PTPN1: variants seen among roughly 807,000 people sequenced by gnomAD.
The protein encoded by PTPN1 is protein tyrosine phosphatase non-receptor type 1, also known as tyrosine-protein phosphatase non-receptor type 1.
PTPN1 carries 12 observed loss-of-function variants against 59.9 expected under a neutral mutation model. The ratio of observed to expected loss-of-function variants is 0.20; its 90% CI spans 0.13 to 0.32. PTPN1 has a LOEUF of 0.32. Ranked by LOEUF, PTPN1 falls within the 10% of genes least tolerant of loss-of-function variation. The probability of loss-of-function intolerance (pLI) is 1.00; values close to 1 mark genes in which losing one functional copy is unlikely to be tolerated. For synonymous variants in PTPN1, 178 were observed against 203.6 expected, an observed-to-expected ratio of 0.87 and a Z score of 1.07; for missense variants, 356 against 549.2, an observed-to-expected ratio of 0.65 and a Z score of 3.52.
rs2082582974 is a variant in PTPN1, at chr20:50,527,616, C to T, written c.63+17026C>T. ...CCTCAAGTGATCCACCCGTCAGCCTCCCAAAGTGCTGAGATTACAGGTGTG... is the reference window on the plus strand; with the variant it reads ...CCTCAAGTGATCCACCCGTCAGCCTTCCAAAGTGCTGAGATTACAGGTGTG... On this transcript the variant is annotated intron_variant, in intron 1 of 9. Transcript: ENST00000371621. Among the ~76,000 whole-genome samples, 4 of 152,282 alleles carry T rather than the reference C, an allele frequency of 2.6e-5. No homozygotes were observed. The South Asian group carries it at 8.3e-4, about 32-fold the overall frequency.
At chr20:50,539,388 G>T (rs987876877) in intron 1 of PTPN1, among the ~76,000 whole-genome samples, 1 of 152,120 alleles carries the variant, frequency 6.6e-6, no homozygotes, top group Non-Finnish European at 1.5e-5. Flanking sequence ...CTCAGGAAGG[G>T]CTTGTGGGAA....
At chr20:50,572,159 A>G (rs1166244660) in intron 4 of PTPN1, 3 of 152,260 alleles carry the variant, frequency 2.0e-5, no homozygotes, top group African/African-American at 7.2e-5. Flanking sequence ...GGAAACAGCA[A>G]CTATGAGAGA....
chr20:50,515,542 T>G (rs937110212), intron 1 of PTPN1, among the ~76,000 whole-genome samples: 1 of 152,230 alleles, frequency 6.6e-6, no homozygotes. Context: ...TCCTCCTGCC[T>G]TGGCCTCCCA....
chr20:50,525,752 A>T (rs1376781420), intron 1 of PTPN1, among the ~76,000 whole-genome samples: 1 of 151,650 alleles, frequency 6.6e-6, no homozygotes, highest in Non-Finnish European at 1.5e-5. Context: ...TTGAATGATG[A>T]GTTTTTTTTT....
chr20:50,529,161 A>G (rs755543286), intron 1 of PTPN1, among the ~76,000 whole-genome samples: 1 of 152,152 alleles, frequency 6.6e-6, no homozygotes, highest in African/African-American at 2.4e-5. Context: ...TGCACAGACC[A>G]TGCCACTCTG....
chr20:50,583,024 C>T lies in PTPN1; in HGVS notation c.*309C>T. Reference sequence around the variant, plus strand: ...TACACCCGTCTTGGGGCTCGCCCCACCCAGGGCTCCCTCCTGGAGCATCCC... The same window carrying T: ...TACACCCGTCTTGGGGCTCGCCCCATCCAGGGCTCCCTCCTGGAGCATCCC... On this transcript the variant is annotated 3_prime_UTR_variant, in exon 10 of 10. Coordinates refer to ENST00000371621, the MANE Select transcript of PTPN1 (RefSeq NM_002827.4). 1 of 427,412 alleles carries T rather than the reference C, an allele frequency of 2.3e-6. No homozygotes were observed. The highest frequency in any genetic ancestry group is 3.6e-5 in the Admixed American group (1 of 27,836). The allele number at this position is 427,412 out of a possible 1,614,324, so 26.5% of individuals were successfully genotyped here.
chr20:50,579,952 T>G (rs1342287156), intron 8 of PTPN1, 26 bp downstream of exon 8: 1 of 1,596,196 alleles, frequency 6.3e-7, no homozygotes, highest in African/African-American at 1.3e-5. Context: ...CCCAGCTTGT[T>G]GGGGTGAGGG....
chr20:50,563,073 C>T (rs1034626444), intron 2 of PTPN1: 1 of 150,162 alleles, frequency 6.7e-6, no homozygotes, highest in Non-Finnish European at 1.5e-5. Flanking sequence ...TTTCTTTGTT[C>T]CTTCTCCATC....
At chr20:50,544,626 G>A (rs900208018) in intron 1 of PTPN1, among the ~76,000 whole-genome samples, 5 of 152,198 alleles carry the variant, frequency 3.3e-5, no homozygotes, top group African/African-American at 9.7e-5. Context: ...TCTGGGAAGG[G>A]ACATGAAGGA....
At chr20:50,510,807 A>C (rs892991102) in intron 1 of PTPN1, among the ~76,000 whole-genome samples, 4 of 124,784 alleles carry the variant, frequency 3.2e-5, no homozygotes, top group African/African-American at 6.5e-5. Flanking sequence ...TCGATCCCCC[A>C]CCTCCCTTCT....
chr20:50,534,260 C>A lies in PTPN1; in HGVS notation c.63+23670C>A, dbSNP rs555719010. Among the ~76,000 whole-genome samples the A allele has an allele frequency of 1.1e-4, 17 of 152,328 alleles. No individual in the cohort carries two copies. The East Asian group carries it at 1.2e-3, about 10-fold the overall frequency. ...ATTAAATAGCACTTTCTGCTTTTAG[C>A]AAATTTAATCCAAATGAGACTTTAG... On this transcript the variant is annotated intron_variant, in intron 1 of 9. Transcript: ENST00000371621.
chr20:50,578,705 T>A, intron 6 of PTPN1, 76 bp downstream of exon 6: 1 of 1,272,190 alleles, frequency 7.9e-7, no homozygotes, highest in Non-Finnish European at 1.1e-6. Context: ...AAGTAGAAAC[T>A]GAAGCGCTCC....
chr20:50,510,616 G>A, intron 1 of PTPN1, 26 bp downstream of exon 1: 1 of 1,549,396 alleles, frequency 6.5e-7, no homozygotes, highest in Non-Finnish European at 8.7e-7. Flanking sequence ...GGAGCGTGGC[G>A]GGCCCTTCGC....
At chr20:50,559,551 A>G (rs2082742102) in intron 1 of PTPN1, among the ~76,000 whole-genome samples, 1 of 152,140 alleles carries the variant, frequency 6.6e-6, no homozygotes, top group African/African-American at 2.4e-5. Context: ...ATCATTATGA[A>G]GAGTACTGGA....
chr20:50,580,581 T>C (rs2082862611), intron 8 of PTPN1, among the ~76,000 whole-genome samples: 1 of 152,170 alleles, frequency 6.6e-6, no homozygotes, highest in Non-Finnish European at 1.5e-5. Context: ...ACGGAAAGTT[T>C]GCAGAATGAG....
chr20:50,515,683 CTCT>C (rs1485149099), intron 1 of PTPN1, among the ~76,000 whole-genome samples: 5 of 152,168 alleles, frequency 3.3e-5, no homozygotes, highest in African/African-American at 9.7e-5. Context: ...TCTTGAAGTC[CTCT>C]GCTCCTGGCA....
Position 50,578,409 on chromosome 20 carries a change from T to C in PTPN1, c.493-11T>C, listed in dbSNP as rs1269968024. 1 of 1,606,554 alleles carries C rather than the reference T, an allele frequency of 6.2e-7. No homozygotes were observed. The highest frequency in any genetic ancestry group is 8.5e-7 in the Non-Finnish European group (1 of 1,173,302). On this transcript the variant is annotated splice_polypyrimidine_tract_variant and intron_variant, in intron 5 of 9. Coordinates refer to ENST00000371621, the MANE Select transcript of PTPN1 (RefSeq NM_002827.4). ...TCTTTTAGAATCATCATGAGTATTTTTCTCTTTCAGACCCAAGAAACTCGA... is the reference window on the plus strand; with the variant it reads ...TCTTTTAGAATCATCATGAGTATTTCTCTCTTTCAGACCCAAGAAACTCGA...
chr20:50,563,791 C>T (rs1434586579), intron 2 of PTPN1, among the ~76,000 whole-genome samples: 2 of 152,064 alleles, frequency 1.3e-5, no homozygotes, highest in East Asian at 3.9e-4. Context: ...AAATAAAGGT[C>T]CCCACCTGCT....
rs925202735 is a variant in PTPN1, at chr20:50,510,403, A to G, written c.-125A>G. 1 of 1,007,330 alleles carries G rather than the reference A, an allele frequency of 9.9e-7. No individual in the cohort carries two copies. The allele number at this position is 1,007,330 out of a possible 1,614,324, so 62.4% of individuals were successfully genotyped here. ...TTGACATGAAGAAGCAGCAGCGGCT[A>G]GGGCGGCGGTAGCTGCAGGGGTCGG... is the stretch of plus-strand genomic sequence containing the variant. On this transcript the variant is annotated 5_prime_UTR_variant, in exon 1 of 10. Coordinates refer to ENST00000371621, the MANE Select transcript of PTPN1 (RefSeq NM_002827.4).
Sources: allele counts gnomAD v4.1 joint callset (sites outside exome capture counted in the v4.1 genomes callset), GRCh38; gene constraint gnomAD v4.1.1; transcripts MANE v1.5; gene names NCBI Gene and HGNC (gene_info 2026-07-23, HGNC 2026-07-21).